DOCK7: variants seen among roughly 807,000 people sequenced by gnomAD.
The protein encoded by DOCK7 is dedicator of cytokinesis 7, also known as dedicator of cytokinesis protein 7.
A neutral mutation model predicts 271.0 loss-of-function variants in DOCK7; 138 were observed. The observed-to-expected ratio is 0.51, with a 90% CI of 0.44 to 0.59. The LOEUF (loss-of-function observed/expected upper bound fraction) is 0.59. DOCK7 is among the 20% of genes least tolerant of loss of function. DOCK7 has a pLI of 0.00. For synonymous variants in DOCK7, 823 were observed against 876.1 expected (o/e 0.94, Z 1.07); for missense variants, 2,066 against 2,592.4 (o/e 0.80, Z 4.41).
intron 11 of DOCK7, among the ~76,000 whole-genome samples, chr1:62,625,853 T>G (rs1019712286): frequency 6.6e-6 from 1 of 152,162 alleles, no homozygotes; most frequent in Admixed American, 6.5e-5. Flanking sequence ...AACAAGGAAA[T>G]AGAATACTTG....
At chr1:62,475,396 T>G in intron 46 of DOCK7, 45 bp from the exon 47 acceptor site, 1 of 1,573,034 alleles carries the variant, frequency 6.4e-7, no homozygotes, top group East Asian at 2.3e-5. Context: ...GACTGAAAAC[T>G]ATTTAATGAA....
intron 15 of DOCK7, among the ~76,000 whole-genome samples, chr1:62,586,301 T>G (rs1214806346): frequency 6.6e-6 from 1 of 152,196 alleles, no homozygotes; most frequent in Non-Finnish European, 1.5e-5. Flanking sequence ...TTTGTATTTC[T>G]AGGAGTGCCT....
At chr1:62,667,955 G>A (rs1214669276) in intron 1 of DOCK7, among the ~76,000 whole-genome samples, 1 of 152,180 alleles carries the variant, frequency 6.6e-6, no homozygotes, top group Non-Finnish European at 1.5e-5. Flanking sequence ...GGGAGCTGGA[G>A]GTTGCAGTGA....
chr1:62,473,445 T>G (rs1050699319), intron 48 of DOCK7, among the ~76,000 whole-genome samples: 2 of 152,230 alleles, frequency 1.3e-5, no homozygotes, highest in African/African-American at 4.8e-5. Context: ...CCTTGGCTTT[T>G]CTAATTTTTA....
intron 15 of DOCK7, among the ~76,000 whole-genome samples, chr1:62,583,725 C>T (rs1013355782): frequency 3.9e-5 from 6 of 152,012 alleles, no homozygotes; most frequent in Non-Finnish European, 8.8e-5. Context: ...AGCTATGTAT[C>T]CTTTGCTTCT....
intron 16 of DOCK7, among the ~76,000 whole-genome samples, chr1:62,581,554 A>C (rs1647122653): frequency 1.3e-5 from 2 of 152,182 alleles, no homozygotes; most frequent in Non-Finnish European, 1.5e-5. Flanking sequence ...TGTACTTCAG[A>C]AGGAAGGTAT....
chr1:62,477,806 A>T lies in DOCK7; in HGVS notation c.5528T>A (p.Phe1843Tyr). Residue 1843 changes from phenylalanine (F) to tyrosine (Y), a missense_variant, in exon 44 of 50, where the codon TTT (phenylalanine) becomes TAT (tyrosine). Phe to Tyr is a conservative substitution (Grantham distance 22). Transcript: ENST00000635253. ...CTTGGTTCCATAAAAACCAACACGA[A>T]AATAGGTGCCAAACATCCGCTTACC... is the stretch of plus-strand genomic sequence containing the variant. ...TGWERMFGTY[F>Y]RVGFYGTKFG... 1.2e-6 allele frequency: 2 copies of T among 1,609,172 alleles called. No individual in the cohort carries two copies. Among genetic ancestry groups the T allele is most frequent in the Non-Finnish European group, 1.7e-6 (2 of 1,178,510 alleles).
intron 1 of DOCK7, among the ~76,000 whole-genome samples, chr1:62,680,510 A>C (rs1269866206): frequency 6.6e-6 from 1 of 151,706 alleles, no homozygotes; most frequent in Non-Finnish European, 1.5e-5. Context: ...ACCAAAAGCA[A>C]TGGCAACAAA....
At chr1:62,647,822 CCA>C in intron 6 of DOCK7, 46 bp from the exon 7 acceptor site, 1 of 1,349,444 alleles carries the variant, frequency 7.4e-7, no homozygotes, top group Non-Finnish European at 1.0e-6. Context: ...TTATCATATT[CCA>C]ACTCTTTATC....
chr1:62,503,783 C>T (rs1646856572), intron 37 of DOCK7, among the ~76,000 whole-genome samples: 1 of 152,020 alleles, frequency 6.6e-6, no homozygotes, highest in Non-Finnish European at 1.5e-5. Context: ...CGCGGTGGCT[C>T]ACTCCTGTAA....
In DOCK7 at chr1:62,667,137, A is replaced by T. The variant is rs528453644; in HGVS notation, c.39-4007T>A. ...TTCCAGAATGAACCAAGGGGTGATA[A>T]GGCCAATCTGTGCCTGCCTCTCTCT... is the stretch of plus-strand genomic sequence containing the variant. On this transcript the variant is annotated intron_variant, in intron 1 of 49. Transcript: ENST00000635253. Among the ~76,000 whole-genome samples, 3 of 152,318 alleles carry T rather than the reference A, an allele frequency of 2.0e-5. No homozygotes were observed. The East Asian group carries it at 5.8e-4, about 29-fold the overall frequency.
chr1:62,551,285 C>G (rs1557702575), intron 22 of DOCK7, among the ~76,000 whole-genome samples: 1 of 150,156 alleles, frequency 6.7e-6, no homozygotes, highest in Non-Finnish European at 1.5e-5. Flanking sequence ...CTGGGCCATA[C>G]TGGAAGAAGA....
intron 7 of DOCK7, among the ~76,000 whole-genome samples, chr1:62,639,663 T>C (rs1045267359): frequency 3.6e-4 from 54 of 151,850 alleles, no homozygotes; most frequent in Non-Finnish European, 6.3e-4. Context: ...TCTCCTGACC[T>C]GGTGATCCAC....
At chr1:62,510,233 C>T (rs527301645) in intron 34 of DOCK7, among the ~76,000 whole-genome samples, 27 of 152,036 alleles carry the variant, frequency 1.8e-4, no homozygotes, top group Non-Finnish European at 3.5e-4. Flanking sequence ...AGCTCCATAA[C>T]GACAAATGTC....
intron 14 of DOCK7, chr1:62,598,652 G>A: frequency 9.6e-7 from 1 of 1,046,404 alleles, no homozygotes; most frequent in Non-Finnish European, 1.5e-6. Context: ...TAATAGAAAA[G>A]AAAGAGGAAA....
In DOCK7 at chr1:62,586,499, T is replaced by C; in HGVS notation, c.1800+8A>G. Reference sequence around the variant, plus strand: ...AAAAAATTAGAAAAGTAAAAGAACATTTCTTACCGGCATGGCATTGCTTGG... The same window carrying C: ...AAAAAATTAGAAAAGTAAAAGAACACTTCTTACCGGCATGGCATTGCTTGG... On this transcript the variant is annotated splice_region_variant and intron_variant, in intron 15 of 49. Transcript: ENST00000635253. 1.9e-6 allele frequency: 3 copies of C among 1,575,018 alleles called. No individual in the cohort carries two copies. Among genetic ancestry groups the C allele is most frequent in the South Asian group, 1.2e-5 (1 of 86,762 alleles).
intron 8 of DOCK7, chr1:62,635,716 C>G (rs531517041): frequency 6.6e-6 from 1 of 152,230 alleles, no homozygotes; most frequent in South Asian, 2.1e-4. Flanking sequence ...GTGTTGGCAG[C>G]AGAAGCCACT....
In DOCK7 at chr1:62,647,162, T is replaced by C. The variant is rs191638530; in HGVS notation, c.818+529A>G. On this transcript the variant is annotated intron_variant, in intron 7 of 49. Coordinates refer to ENST00000635253, the MANE Select transcript of DOCK7 (RefSeq NM_001367561.1). ...AAGTCAGAACAAATAATTAAACTTA[T>C]AATATTAACATGACAGCATGAAATA... is the stretch of plus-strand genomic sequence containing the variant. Among the ~76,000 whole-genome samples the C allele has an allele frequency of 1.3e-3, 191 of 152,302 alleles. 1 individual carries two copies. Among genetic ancestry groups the C allele is most frequent in the African/African-American group, 3.8e-3 (160 of 41,560 alleles).
At chr1:62,606,461 G>A (rs371122314) in intron 14 of DOCK7, among the ~76,000 whole-genome samples, 1 of 151,962 alleles carries the variant, frequency 6.6e-6, no homozygotes, top group Non-Finnish European at 1.5e-5. Flanking sequence ...TGGTTCACAC[G>A]ACTGTCTCCT....
Sources: allele counts gnomAD v4.1 joint callset (sites outside exome capture counted in the v4.1 genomes callset), GRCh38; gene constraint gnomAD v4.1.1; transcripts MANE v1.5; gene names NCBI Gene and HGNC (gene_info 2026-07-23, HGNC 2026-07-21).